The following AGTPBP1 variants were observed in gnomAD, a reference collection of about 807,000 sequenced individuals.
AGTPBP1 encodes the protein ATP/GTP binding carboxypeptidase 1.
In AGTPBP1, 70 loss-of-function variants were observed where a neutral mutation model predicts 143.9. That is an observed-to-expected ratio of 0.49 (90% CI 0.40 to 0.59). The LOEUF (loss-of-function observed/expected upper bound fraction) is 0.59, where lower values mean the gene tolerates loss of function less well. Ranked by LOEUF, AGTPBP1 falls within the 20% of genes least tolerant of loss-of-function variation. The pLI, the probability that AGTPBP1 is intolerant of heterozygous loss-of-function variation, is 0.00. For synonymous variants in AGTPBP1, 463 were observed against 500.2 expected (o/e 0.93, Z 0.99); for missense variants, 1,229 against 1,464.5 (o/e 0.84, Z 2.62).
At chr9:85,573,800 C>T (rs1052861795) in intron 25 of AGTPBP1, among the ~76,000 whole-genome samples, 3 of 151,458 alleles carry the variant, frequency 2.0e-5, no homozygotes, top group South Asian at 2.1e-4. Context: ...GCAGCGACCC[C>T]GTCTGGGAGG....
Position 85,637,345 on chromosome 9 carries a change from C to A in AGTPBP1, c.1303-3971G>T, listed in dbSNP as rs550702700. 2.2e-3 allele frequency among the ~76,000 whole-genome samples: 333 copies of A among 152,012 alleles called. 3 individuals carry two copies. The highest frequency in any genetic ancestry group is 7.7e-3 in the African/African-American group (318 of 41,474). On this transcript the variant is annotated intron_variant, in intron 13 of 25. Transcript: ENST00000357081. ...GGCATGAGCCACCATGCCTGGCCAC[C>A]CCAAAAAATTTTGTGCACAAAATGT...
At chr9:85,787,821 C>T in the AGTPBP1 span, 1 of 152,152 alleles carries the variant, frequency 6.6e-6, no homozygotes, top group Non-Finnish European at 1.5e-5. Flanking sequence ...GACATGGATG[C>T]TTACTCAGAG....
At position 85,575,487 on chromosome 9, in the gene AGTPBP1, C is replaced by T; in HGVS notation, c.3343-12G>A. ...CCAATCTGTAAACCCTTGAAATAAACAAATATTATGCATATAATTACAAAG... is the reference window on the plus strand; with the variant it reads ...CCAATCTGTAAACCCTTGAAATAAATAAATATTATGCATATAATTACAAAG... On this transcript the variant is annotated splice_polypyrimidine_tract_variant and intron_variant, in intron 24 of 25. Transcript: ENST00000357081. The T allele has an allele frequency of 1.3e-6, 2 of 1,590,498 alleles. No individual in the cohort carries two copies. Among genetic ancestry groups the T allele is most frequent in the Non-Finnish European group, 8.5e-7 (1 of 1,173,400 alleles).
chr9:85,629,616 G>A (rs907038945), intron 14 of AGTPBP1, among the ~76,000 whole-genome samples: 7 of 152,208 alleles, frequency 4.6e-5, no homozygotes, highest in African/African-American at 1.7e-4. Flanking sequence ...TCTGCATACA[G>A]ACATTCACAG....
upstream of AGTPBP1, among the ~76,000 whole-genome samples, chr9:85,743,089 G>A (rs751641240): frequency 6.6e-6 from 1 of 152,110 alleles, no homozygotes; most frequent in African/African-American, 2.4e-5. Flanking sequence ...TAAAAGATAG[G>A]TTACGGTATT....
chr9:85,634,737 C>A (rs1441302066), intron 13 of AGTPBP1, among the ~76,000 whole-genome samples: 1 of 152,022 alleles, frequency 6.6e-6, no homozygotes, highest in African/African-American at 2.4e-5. Context: ...CAATAAAAAT[C>A]TTTTTGCAAA....
intron 3 of AGTPBP1, among the ~76,000 whole-genome samples, chr9:85,683,776 T>A (rs1425172518): frequency 6.6e-6 from 1 of 152,198 alleles, no homozygotes; most frequent in East Asian, 1.9e-4. Context: ...CTTCTACTTA[T>A]GGCCCATAAC....
chr9:85,686,721 GT>G (rs1835508783), intron 3 of AGTPBP1, among the ~76,000 whole-genome samples: 1 of 152,130 alleles, frequency 6.6e-6, no homozygotes, highest in African/African-American at 2.4e-5. Flanking sequence ...TATATGGGAA[GT>G]TTTGATATTG....
chr9:85,743,547 CTT>C (rs1564207209), upstream of AGTPBP1, among the ~76,000 whole-genome samples: 3 of 152,040 alleles, frequency 2.0e-5, no homozygotes, highest in Admixed American at 1.3e-4. Context: ...TTGAAATAAA[CTT>C]CACCTCTCCT....
At chr9:85,773,134 G>A in the AGTPBP1 span, among the ~76,000 whole-genome samples, 4 of 150,468 alleles carry the variant, frequency 2.7e-5, no homozygotes, top group African/African-American at 4.9e-5. Context: ...ACTTGGTGGC[G>A]GGCGCCTGTA....
intron 1 of AGTPBP1, among the ~76,000 whole-genome samples, chr9:85,716,072 C>T (rs565557396): frequency 9.9e-5 from 15 of 152,280 alleles, no homozygotes; most frequent in Middle Eastern, 3.4e-3. Context: ...CAAGTCCTCC[C>T]TTCCAATCCT....
At chr9:85,773,919 A>G in the AGTPBP1 span, 16 of 1,604,040 alleles carry the variant, frequency 1.0e-5, no homozygotes, top group Non-Finnish European at 1.4e-5. Context: ...ACGGGATAAT[A>G]TGGTTCGTGA....
chr9:85,642,888 C>G lies in AGTPBP1; in HGVS notation c.1241G>C (p.Arg414Pro). The G allele has an allele frequency of 6.2e-7, 1 of 1,613,410 alleles. No homozygotes were observed. The highest frequency in any genetic ancestry group is 8.5e-7 in the Non-Finnish European group (1 of 1,179,810). ...NKLKPQQEPG[R>P]TIEDLKMYEH... ...ATACATTTTTAGATCTTCTATTGTTCGTCCCGGTTCTTGCTGGGGTTTTAG... is the reference window on the plus strand; with the variant it reads ...ATACATTTTTAGATCTTCTATTGTTGGTCCCGGTTCTTGCTGGGGTTTTAG... Residue 414 changes from arginine (R) to proline (P), a missense_variant, in exon 13 of 26, where the codon CGA becomes CCA. Physicochemically the swap from Arg to Pro is moderately radical, Grantham distance 103. This residue lies in a region of AGTPBP1 where 743 missense variants were observed against 812.2 expected (regional missense o/e 0.91). Coordinates refer to ENST00000357081, the MANE Select transcript of AGTPBP1 (RefSeq NM_001330701.2).
In AGTPBP1 at chr9:85,698,940, G is replaced by A. The variant is rs187509006; in HGVS notation, c.33-6127C>T. Reference sequence around the variant, plus strand: ...GATCTCCTGACCTCGTGATCCACCCGCCTCGGCCTCCCAAAGCGCTGAGAT... The same window carrying A: ...GATCTCCTGACCTCGTGATCCACCCACCTCGGCCTCCCAAAGCGCTGAGAT... On this transcript the variant is annotated intron_variant, in intron 2 of 25. Transcript: ENST00000357081. Among the ~76,000 whole-genome samples the A allele has an allele frequency of 3.2e-4, 49 of 151,570 alleles. No homozygotes were observed. The East Asian group carries it at 5.1e-3, about 16-fold the overall frequency.
chr9:85,619,830 A>G (rs1830809963), intron 15 of AGTPBP1, among the ~76,000 whole-genome samples: 1 of 152,088 alleles, frequency 6.6e-6, no homozygotes, highest in Admixed American at 6.6e-5. Flanking sequence ...TCCCCGACTG[A>G]ATGCAAACTC....
At chr9:85,764,559 C>T in the AGTPBP1 span, 11 of 512,658 alleles carry the variant, frequency 2.1e-5, no homozygotes, top group African/African-American at 1.9e-4. Flanking sequence ...TGAATACCCC[C>T]TCCCTCAAAA....
Position 85,585,573 on chromosome 9 carries a change from G to C in AGTPBP1, c.3055C>G (p.His1019Asp). ...LPLVYCDYHG[H>D]SRKKNVFMYG... ...ATAAATACATTCTTCTTTCGGGAAT[G>C]GCCATGATAATCACAATAAACCTTG... The change falls in exon 23 of 26, where the codon CAT (histidine) becomes GAT (aspartate). Residue 1019 changes from histidine (H) to aspartate (D), a missense_variant. Physicochemically the swap from His to Asp is moderately conservative, Grantham distance 81 (BLOSUM62 -1). Around this residue, in one of 2 missense-constraint regions of AGTPBP1, gnomAD observed 486 missense variants for 652.3 expected, o/e 0.75. Coordinates refer to ENST00000357081, the MANE Select transcript of AGTPBP1 (RefSeq NM_001330701.2). The C allele has an allele frequency of 6.2e-7, 1 of 1,605,424 alleles. No homozygotes were observed.
At chr9:85,597,233 A>C (rs1336196662) in intron 17 of AGTPBP1, among the ~76,000 whole-genome samples, 18 of 152,098 alleles carry the variant, frequency 1.2e-4, no homozygotes. Context: ...ACAATGAAGC[A>C]CTATTCATTT....
intron 3 of AGTPBP1, among the ~76,000 whole-genome samples, chr9:85,689,923 A>AAAAAAAAAAAAAAAAT (rs1835741364): frequency 1.0e-5 from 1 of 97,884 alleles, no homozygotes; most frequent in Admixed American, 9.6e-5. Context: ...AAAAAAAAAA[A>AAAAAAAAAAAAAAAAT]AAATATATAT....
Sources: allele counts gnomAD v4.1 joint callset (sites outside exome capture counted in the v4.1 genomes callset), GRCh38; gene constraint gnomAD v4.1.1; regional missense constraint gnomAD v4.1.1; transcripts MANE v1.5; gene names NCBI Gene and HGNC (gene_info 2026-07-23, HGNC 2026-07-21).